The following SEMA5A variants were observed in gnomAD, a reference collection of about 807,000 sequenced individuals.
SEMA5A encodes the protein semaphorin-5A.
In SEMA5A, 55 loss-of-function variants were observed where a neutral mutation model predicts 135.5. The ratio of observed to expected loss-of-function variants is 0.41; its 90% CI spans 0.33 to 0.51. The LOEUF is 0.51. SEMA5A is among the 20% of genes least tolerant of loss of function. SEMA5A has a pLI of 0.37. For synonymous variants in SEMA5A, 580 were observed against 546.5 expected, an observed-to-expected ratio of 1.06 and a Z score of -0.85; for missense variants, 1,290 against 1,419.9, an observed-to-expected ratio of 0.91 and a Z score of 1.47.
At chr5:9,349,775 A>T (rs1169995280) in intron 3 of SEMA5A, among the ~76,000 whole-genome samples, 1 of 152,034 alleles carries the variant, frequency 6.6e-6, no homozygotes, top group Admixed American at 6.6e-5. Context: ...GGTGGCATGC[A>T]CCTGTAATCC....
intron 2 of SEMA5A, among the ~76,000 whole-genome samples, chr5:9,430,394 T>C (rs1258007626): frequency 6.6e-6 from 1 of 152,156 alleles, no homozygotes. Context: ...AAGATAGACA[T>C]GTGGGAGTAA....
intron 2 of SEMA5A, among the ~76,000 whole-genome samples, chr5:9,387,955 C>T (rs1189216503): frequency 6.6e-6 from 1 of 152,104 alleles, no homozygotes; most frequent in African/African-American, 2.4e-5. Context: ...CCACGTGTCT[C>T]GATTGCCAAG....
At chr5:9,071,120 AC>A (rs1470134946) in intron 16 of SEMA5A, among the ~76,000 whole-genome samples, 1 of 152,240 alleles carries the variant, frequency 6.6e-6, no homozygotes, top group African/African-American at 2.4e-5. Flanking sequence ...AAGAATGCTT[AC>A]TAAAGCAATT....
At chr5:9,345,876 C>T (rs1031746756) in intron 3 of SEMA5A, among the ~76,000 whole-genome samples, 39 of 152,000 alleles carry the variant, frequency 2.6e-4, no homozygotes, top group Non-Finnish European at 3.2e-4. Context: ...TATATGTATA[C>T]ACATGTATTT....
chr5:9,252,212 G>A (rs192343732), intron 5 of SEMA5A, among the ~76,000 whole-genome samples: 24 of 152,234 alleles, frequency 1.6e-4, no homozygotes, highest in Non-Finnish European at 2.6e-4. Flanking sequence ...TGGTTTGGCT[G>A]GAGAGAGAAC....
At position 9,266,662 on chromosome 5, in the gene SEMA5A, T is replaced by C. The variant is rs561311037; in HGVS notation, c.271-28772A>G. On this transcript the variant is annotated intron_variant, in intron 5 of 22. Coordinates refer to ENST00000382496, the MANE Select transcript of SEMA5A (RefSeq NM_003966.3). ...CAATGAAATAATTATAACTATTCTC[T>C]TTTGATGGGACAAAGTAAGCATGAT... Among the ~76,000 whole-genome samples the C allele has an allele frequency of 2.6e-5, 4 of 152,350 alleles. No homozygotes were observed. In the East Asian group the frequency reaches 7.7e-4, roughly 29 times the overall value.
rs1026873662 is a variant in SEMA5A, at chr5:9,545,119, A to C, written c.-175+465T>G. 2.6e-5 allele frequency among the ~76,000 whole-genome samples: 4 copies of C among 152,118 alleles called. No homozygotes were observed. The highest frequency in any genetic ancestry group is 4.4e-5 in the Non-Finnish European group (3 of 68,004). ...CCGGTTCCCCTGTAAGGAAAGCAGG[A>C]AAACCTGCCCAAGCCGGTGGGGCTG... On this transcript the variant is annotated intron_variant, in intron 1 of 22. Transcript: ENST00000382496. This position sits in a 1 kb window ranked among gnomAD's most constrained non-coding sequence, Gnocchi z 4.5.
intron 3 of SEMA5A, among the ~76,000 whole-genome samples, chr5:9,370,483 C>A (rs903685925): frequency 3.3e-5 from 5 of 152,124 alleles, no homozygotes; most frequent in Admixed American, 2.0e-4. Flanking sequence ...CACTTTCTCA[C>A]TCATGGAACA....
Position 9,051,935 on chromosome 5 carries a change from C to A in SEMA5A, c.2783G>T (p.Ser928Ile). The stretch of plus-strand genomic sequence containing the variant: ...CTCCGTGGTGTTCCCGGAGCACTGG[C>A]TGCCCATGGGGAACAGGAGGATGCA... Reference protein sequence around the residue: ...RQCILLFPMGSQCSGNTTESR... With the variant: ...RQCILLFPMGIQCSGNTTESR... Residue 928 changes from serine (S) to isoleucine (I), a missense_variant, in exon 20 of 23, where the codon AGC (serine) becomes ATC (isoleucine). This residue lies in a region of SEMA5A where 1,029 missense variants were observed against 1,086.6 expected (regional missense o/e 0.95). Transcript: ENST00000382496. 6.2e-7 allele frequency: 1 copy of A among 1,614,198 alleles called. No individual in the cohort carries two copies. Among genetic ancestry groups the A allele is most frequent in the Non-Finnish European group, 8.5e-7 (1 of 1,180,040 alleles).
At chr5:9,135,219 C>A (rs1226953420) in intron 13 of SEMA5A, among the ~76,000 whole-genome samples, 1 of 140,628 alleles carries the variant, frequency 7.1e-6, no homozygotes, top group African/African-American at 2.7e-5. Flanking sequence ...TTCGCTCTGT[C>A]GCCCAGGCTG....
At chr5:9,301,092 G>C (rs1358517787) in intron 5 of SEMA5A, among the ~76,000 whole-genome samples, 1 of 152,182 alleles carries the variant, frequency 6.6e-6, no homozygotes, top group East Asian at 1.9e-4. Context: ...GAACTGACTG[G>C]TTTAAATGTG....
At chr5:9,534,225 G>A (rs543634953) in intron 1 of SEMA5A, among the ~76,000 whole-genome samples, 27 of 152,214 alleles carry the variant, frequency 1.8e-4, no homozygotes, top group African/African-American at 6.0e-4. Flanking sequence ...CACTAATTGC[G>A]CCCTTTGTCC....
chr5:9,191,035 T>G (rs1298219909), intron 10 of SEMA5A, among the ~76,000 whole-genome samples: 1 of 152,202 alleles, frequency 6.6e-6, no homozygotes, highest in Non-Finnish European at 1.5e-5. Context: ...CTACTTGTAT[T>G]TCCAATTAGA....
chr5:9,347,596 C>A (rs537029920), intron 3 of SEMA5A, among the ~76,000 whole-genome samples: 2 of 151,918 alleles, frequency 1.3e-5, no homozygotes, highest in South Asian at 4.2e-4. Flanking sequence ...TAAAATGTAT[C>A]CATAATGTAA....
chr5:9,371,867 A>G (rs1248143726), intron 3 of SEMA5A, among the ~76,000 whole-genome samples: 1 of 152,220 alleles, frequency 6.6e-6, no homozygotes, highest in East Asian at 1.9e-4. Flanking sequence ...GTTTACAGAG[A>G]AAATGTTGAG....
chr5:9,526,070 C>T (rs977835725), intron 1 of SEMA5A, among the ~76,000 whole-genome samples: 4 of 152,128 alleles, frequency 2.6e-5, no homozygotes, highest in Non-Finnish European at 1.5e-5. Flanking sequence ...TCAAAAGGAG[C>T]CTTTTCTGCT....
In SEMA5A at chr5:9,103,955, A is replaced by G. The variant is rs576836753; in HGVS notation, c.2073+4185T>C. On this transcript the variant is annotated intron_variant, in intron 16 of 22. Transcript: ENST00000382496. ...TGATCACAATATTATAAAAATCAAG[A>G]GTGTAAATCAAGAGAAGAGCTATAG... is the stretch of plus-strand genomic sequence containing the variant. Among the ~76,000 whole-genome samples the G allele has an allele frequency of 3.3e-5, 5 of 152,336 alleles. No homozygotes were observed. The East Asian group carries it at 9.6e-4, about 29-fold the overall frequency.
chr5:9,485,164 C>A (rs886414559), intron 1 of SEMA5A, among the ~76,000 whole-genome samples: 2 of 151,816 alleles, frequency 1.3e-5, no homozygotes, highest in Non-Finnish European at 2.9e-5. Flanking sequence ...ATGTGTGGAG[C>A]CTTTTATGGT....
chr5:9,165,194 G>C (rs1439481339), intron 11 of SEMA5A, among the ~76,000 whole-genome samples: 2 of 151,788 alleles, frequency 1.3e-5, no homozygotes, highest in East Asian at 1.9e-4. Context: ...CAAAACAGAA[G>C]ATAAACATAT....
Sources: allele counts gnomAD v4.1 joint callset (sites outside exome capture counted in the v4.1 genomes callset), GRCh38; gene constraint gnomAD v4.1.1; regional missense constraint gnomAD v4.1.1; non-coding constraint Gnocchi (gnomAD v3.1); transcripts MANE v1.5; gene names NCBI Gene and HGNC (gene_info 2026-07-23, HGNC 2026-07-21).